Variants in SHROOM4 observed in about 807,000 individuals in gnomAD.
SHROOM4 encodes the protein protein Shroom4.
A neutral mutation model predicts 80.3 loss-of-function variants in SHROOM4; 17 were observed. The observed-to-expected ratio is 0.21, with a 90% CI of 0.14 to 0.32. The LOEUF (loss-of-function observed/expected upper bound fraction) is 0.32. Among genes scored for constraint, SHROOM4 ranks in the 10% least tolerant of loss-of-function variants. The pLI is 1.00. For synonymous variants in SHROOM4, 400 were observed against 437.5 expected (o/e 0.91, Z 1.07); for missense variants, 993 against 1,140.3 (o/e 0.87, Z 1.86).
intron 1 of SHROOM4, among the ~76,000 whole-genome samples, chrX:50,712,479 T>C (rs1361109497): frequency 8.9e-6 from 1 of 112,041 alleles, no homozygotes; most frequent in Non-Finnish European, 1.9e-5. Flanking sequence ...CTTGAAAGGA[T>C]AGCTACCCCA....
intron 1 of SHROOM4, among the ~76,000 whole-genome samples, chrX:50,750,056 C>T (rs1399099638): frequency 1.8e-5 from 2 of 111,819 alleles, no homozygotes; most frequent in Non-Finnish European, 3.8e-5. Flanking sequence ...ATCTCATTAT[C>T]TTGGCCTCTT....
intron 1 of SHROOM4, among the ~76,000 whole-genome samples, chrX:50,731,789 T>C (rs1557266324): frequency 8.9e-6 from 1 of 111,964 alleles, no homozygotes; most frequent in African/African-American, 3.3e-5. Flanking sequence ...GGATAGCTAC[T>C]AATCTCTTTT....
At chrX:50,784,716 T>G (rs1684581768) in intron 1 of SHROOM4, among the ~76,000 whole-genome samples, 1 of 111,883 alleles carries the variant, frequency 8.9e-6, no homozygotes, top group African/African-American at 3.2e-5. Flanking sequence ...AAAAATTTCT[T>G]AAATAGGACA....
Position 50,789,844 on chromosome X carries a change from T to G in SHROOM4, c.117+24058A>C, listed in dbSNP as rs1007203376. 8.9e-5 allele frequency among the ~76,000 whole-genome samples: 10 copies of G among 112,238 alleles called. No homozygotes were observed. The Admixed American group carries it at 9.4e-4, about 11-fold the overall frequency. On this transcript the variant is annotated intron_variant, in intron 1 of 8. Coordinates refer to ENST00000376020, the MANE Select transcript of SHROOM4 (RefSeq NM_020717.5). ...ACCACAATTACAATCATGCATCACC[T>G]AACGACAGGATTATGTTCTGAAAAA...
chrX:50,748,293 A>G (rs1170230853), intron 1 of SHROOM4, among the ~76,000 whole-genome samples: 1 of 111,687 alleles, frequency 9.0e-6, no homozygotes, highest in Non-Finnish European at 1.9e-5. Flanking sequence ...AGATTAGACC[A>G]GGATGCCTGG....
intron 1 of SHROOM4, among the ~76,000 whole-genome samples, chrX:50,798,573 G>A (rs1038489255): frequency 1.8e-5 from 2 of 111,369 alleles, no homozygotes; most frequent in East Asian, 2.8e-4. Context: ...AGGATTTGGG[G>A]TCAGGTAGAG....
In SHROOM4 at chrX:50,596,846, G is replaced by A. The variant is rs782727911; in HGVS notation, c.4331C>T (p.Pro1444Leu). Reference sequence around the variant, plus strand: ...CTGGTAATCTTGGAGCTGGTCCTGAGGCAGGTAGCGGGAGACCATGCCAAA... The same window carrying A: ...CTGGTAATCTTGGAGCTGGTCCTGAAGCAGGTAGCGGGAGACCATGCCAAA... ...LVFGMVSRYL[P>L]QDQLQDYQHF... Residue 1444 changes from proline to leucine, a missense_variant, in exon 9 of 9, where the codon CCT becomes CTT. By Grantham distance (98) the Pro-to-Leu change is moderately conservative (BLOSUM62 -3). Coordinates refer to ENST00000376020, the MANE Select transcript of SHROOM4 (RefSeq NM_020717.5). 1.7e-6 allele frequency: 2 copies of A among 1,211,051 alleles called. No individual in the cohort carries two copies. Among genetic ancestry groups the A allele is most frequent in the East Asian group, 3.0e-5 (1 of 33,815 alleles).
chrX:50,607,657 T>G lies in SHROOM4; in HGVS notation c.3485A>C (p.Gln1162Pro). The G allele has an allele frequency of 8.3e-7, 1 of 1,208,089 alleles. No homozygotes were observed. Among genetic ancestry groups the G allele is most frequent in the African/African-American group, 1.7e-5 (1 of 57,664 alleles). Residue 1162 changes from glutamine to proline, a missense_variant, in exon 6 of 9, where the codon CAG becomes CCG. Transcript: ENST00000376020. The stretch of plus-strand genomic sequence containing the variant: ...ACCAGAGGTTTCTGAACTGAAATAC[T>G]GGGGTGGCAGCTCCTCTTCCTCCTC... ...AEEEEEELPP[Q>P]YFSSETSGSC...
intron 2 of SHROOM4, among the ~76,000 whole-genome samples, chrX:50,660,508 T>TTCTCTC (rs782511926): frequency 3.5e-5 from 3 of 86,138 alleles, no homozygotes; most frequent in African/African-American, 1.7e-4. Flanking sequence ...AGTGTTGAGC[T>TTCTCTC]TCTCTCTCTC....
chrX:50,648,054 T>C (rs782065496), intron 2 of SHROOM4, among the ~76,000 whole-genome samples: 22 of 111,961 alleles, frequency 2.0e-4, no homozygotes, highest in Non-Finnish European at 3.4e-4. Context: ...TAACATGATG[T>C]AAGTTTTATA....
chrX:50,761,048 T>A (rs782528645), intron 1 of SHROOM4, among the ~76,000 whole-genome samples: 2 of 112,196 alleles, frequency 1.8e-5, no homozygotes, highest in South Asian at 3.7e-4. Flanking sequence ...TTTTTAACTT[T>A]TATTTTAGGT....
chrX:50,789,757 G>A (rs1557271374), intron 1 of SHROOM4, among the ~76,000 whole-genome samples: 2 of 112,243 alleles, frequency 1.8e-5, no homozygotes, highest in Non-Finnish European at 3.8e-5. Context: ...GCTAGGCCAA[G>A]GAAAAAGAGA....
At chrX:50,714,558 T>C (rs1557264656) in intron 1 of SHROOM4, among the ~76,000 whole-genome samples, 1 of 112,110 alleles carries the variant, frequency 8.9e-6, no homozygotes, top group South Asian at 3.7e-4. Flanking sequence ...TAGAATATTA[T>C]GTATCAATAA....
At chrX:50,660,817 A>C in intron 2 of SHROOM4, among the ~76,000 whole-genome samples, 1 of 108,168 alleles carries the variant, frequency 9.2e-6, no homozygotes, top group Middle Eastern at 4.9e-3. Flanking sequence ...GGGTCTCACT[A>C]TGTTTCTCAG....
chrX:50,601,294 C>T (rs184137604), intron 7 of SHROOM4, among the ~76,000 whole-genome samples: 8 of 112,283 alleles, frequency 7.1e-5, no homozygotes, highest in Admixed American at 1.9e-4. Context: ...CTAGGTTTGC[C>T]CCTGCAGAGG....
chrX:50,655,874 T>C (rs1472080724), intron 2 of SHROOM4, among the ~76,000 whole-genome samples: 1 of 111,065 alleles, frequency 9.0e-6, no homozygotes, highest in East Asian at 2.8e-4. Context: ...CTAATTTACA[T>C]TTCTACCAAT....
At chrX:50,612,837 TA>T (rs58814395) in intron 5 of SHROOM4, among the ~76,000 whole-genome samples, 9,483 of 106,238 alleles carry the variant, frequency 0.089, 905 homozygotes, top group African/African-American at 0.28. Flanking sequence ...CACTTCCAGA[TA>T]AAAAAAAAAC....
In SHROOM4 at chrX:50,634,015, G is replaced by A; in HGVS notation, c.2058C>T (p.Ser686=). The A allele has an allele frequency of 8.3e-7, 1 of 1,211,774 alleles. No individual in the cohort carries two copies. The highest frequency in any genetic ancestry group is 1.1e-6 in the Non-Finnish European group (1 of 895,365). The part of the protein sequence containing the change: ...ESRTGLEGRI[S]PGQRPGQSSL... ...AGGACTGGCCAGGCCTCTGGCCAGG[G>A]CTTATTCGTCCCTCTAAGCCTGTCC... is the stretch of plus-strand genomic sequence containing the variant. Residue 686 remains serine (S), a synonymous_variant, in exon 4 of 9, where the codon AGC becomes AGT. Transcript: ENST00000376020.
intron 2 of SHROOM4, among the ~76,000 whole-genome samples, chrX:50,656,765 T>C (rs782327479): frequency 9.0e-6 from 1 of 111,053 alleles, no homozygotes; most frequent in African/African-American, 3.3e-5. Flanking sequence ...TTTTAGAATT[T>C]TTTATTCCTG....
Sources: allele counts gnomAD v4.1 joint callset (sites outside exome capture counted in the v4.1 genomes callset), GRCh38; gene constraint gnomAD v4.1.1; transcripts MANE v1.5; gene names NCBI Gene and HGNC (gene_info 2026-07-23, HGNC 2026-07-21).